DNAJC15: variants seen among roughly 807,000 people sequenced by gnomAD.
DNAJC15 encodes the protein dnaJ homolog subfamily C member 15.
A neutral mutation model predicts 22.4 loss-of-function variants in DNAJC15; 27 were observed. The observed-to-expected ratio is 1.20, with a 90% CI of 0.89 to 1.66. The LOEUF is 1.66. DNAJC15 is among the 40% of genes most tolerant of loss of function. DNAJC15 has a pLI of 0.00. For synonymous variants in DNAJC15, 79 were observed against 63.2 expected, an observed-to-expected ratio of 1.25 and a Z score of -1.19; for missense variants, 208 against 187.1, an observed-to-expected ratio of 1.11 and a Z score of -0.65.
chr13:43,087,685 C>G (rs766770021), intron 5 of DNAJC15, among the ~76,000 whole-genome samples: 2 of 152,114 alleles, frequency 1.3e-5, no homozygotes, highest in African/African-American at 4.8e-5. Flanking sequence ...CCACCCACCC[C>G]CAAGGAACTT....
intron 5 of DNAJC15, among the ~76,000 whole-genome samples, chr13:43,099,789 TTTATATGTTTATA>T (rs765852498): frequency 6.1e-5 from 9 of 147,208 alleles, no homozygotes; most frequent in Admixed American, 1.4e-4. Flanking sequence ...TATAATTCTT[TTTATATGTTTATA>T]TATTCTTTTT....
chr13:43,100,213 T>TA (rs2040760868), intron 5 of DNAJC15, among the ~76,000 whole-genome samples: 1 of 148,914 alleles, frequency 6.7e-6, no homozygotes, highest in African/African-American at 2.5e-5. Flanking sequence ...GTCTTTTTTT[T>TA]TTTTTTTTTT....
Position 43,109,082 on chromosome 13 carries a change from AT to A in DNAJC15, c.*1835del, listed in dbSNP as rs1379985203. On this transcript the variant is annotated 3_prime_UTR_variant, in exon 6 of 6. Transcript: ENST00000379221. ...TTCTGGTACATGCAGCAAAAGTAATATGAATTATCAGCTTTCTGAGAGCAGG... is the reference window on the plus strand; with the variant it reads ...TTCTGGTACATGCAGCAAAAGTAATAGAATTATCAGCTTTCTGAGAGCAGG... The A allele has an allele frequency of 6.6e-6, 1 of 152,220 alleles. No individual in the cohort carries two copies. Among genetic ancestry groups the A allele is most frequent in the Non-Finnish European group, 1.5e-5 (1 of 68,042 alleles). 9.4% of individuals were successfully genotyped at this position (152,220 alleles called of 1,614,324 possible).
chr13:43,045,953 C>T (rs567547190), intron 1 of DNAJC15, among the ~76,000 whole-genome samples: 184 of 152,224 alleles, frequency 1.2e-3, no homozygotes, highest in African/African-American at 4.0e-3. Flanking sequence ...TGATATATCC[C>T]TAGGGCTTAA....
intron 4 of DNAJC15, among the ~76,000 whole-genome samples, chr13:43,084,055 C>T (rs1248900866): frequency 1.3e-5 from 2 of 152,118 alleles, no homozygotes; most frequent in Non-Finnish European, 2.9e-5. Context: ...AGAACAATAG[C>T]AGAATCAAGG....
chr13:43,045,103 A>AT (rs1328686288), intron 1 of DNAJC15, among the ~76,000 whole-genome samples: 1 of 151,586 alleles, frequency 6.6e-6, no homozygotes, highest in African/African-American at 2.4e-5. Context: ...CTTGTTGCCT[A>AT]TTTTTTTCTC....
rs571149685 is a variant in DNAJC15, at chr13:43,091,860, T to TTG, written c.382+6023_382+6024dup. Among the ~76,000 whole-genome samples the TTG allele has an allele frequency of 5.4e-4, 83 of 152,324 alleles. 1 individual carries two copies. The South Asian group carries it at 0.016, about 28-fold the overall frequency. ...GGGTTTTGTAGTTATCTCTATAGTA[T>TTG]TGATTGCTAGCTTAATTCCATTTGG... On this transcript the variant is annotated intron_variant, in intron 5 of 5. Coordinates refer to ENST00000379221, the MANE Select transcript of DNAJC15 (RefSeq NM_013238.3).
intron 5 of DNAJC15, among the ~76,000 whole-genome samples, chr13:43,092,293 C>CTA (rs2040718926): frequency 6.6e-6 from 1 of 151,966 alleles, no homozygotes; most frequent in African/African-American, 2.4e-5. Flanking sequence ...ATAGCTGTAC[C>CTA]ACCTTTCCTT....
At chr13:43,024,337 GTTTTTTTTT>G (rs376910976) in intron 1 of DNAJC15, among the ~76,000 whole-genome samples, 5 of 93,380 alleles carry the variant, frequency 5.4e-5, no homozygotes, top group East Asian at 3.4e-4. Context: ...GTATTTTTAC[GTTTTTTTTT>G]TTTTTTTTTT....
chr13:43,083,293 G>A (rs1339933967), intron 4 of DNAJC15, among the ~76,000 whole-genome samples: 1 of 151,650 alleles, frequency 6.6e-6, no homozygotes, highest in South Asian at 2.1e-4. Context: ...TCAGCCTCCC[G>A]AGTAGCTGGG....
intron 1 of DNAJC15, among the ~76,000 whole-genome samples, chr13:43,052,521 G>A (rs867468931): frequency 2.0e-5 from 3 of 151,842 alleles, no homozygotes; most frequent in Non-Finnish European, 4.4e-5. Flanking sequence ...GGGTTCAAGC[G>A]ATTCTCCTGC....
intron 1 of DNAJC15, among the ~76,000 whole-genome samples, chr13:43,029,773 A>G (rs1333278287): frequency 2.0e-5 from 3 of 152,142 alleles, no homozygotes; most frequent in African/African-American, 7.2e-5. Context: ...TCTCTTTGAA[A>G]TATGCCTTTT....
chr13:43,039,653 G>T (rs1371133024), intron 1 of DNAJC15, among the ~76,000 whole-genome samples: 1 of 152,194 alleles, frequency 6.6e-6, no homozygotes, highest in Admixed American at 6.5e-5. Context: ...AAAAGCTGTT[G>T]GTTGGGTGAA....
chr13:43,053,224 T>G (rs1174049796), intron 1 of DNAJC15, among the ~76,000 whole-genome samples: 1 of 152,208 alleles, frequency 6.6e-6, no homozygotes, highest in Non-Finnish European at 1.5e-5. Flanking sequence ...AGTATTTGGC[T>G]TTATTTCTGG....
chr13:43,024,544 C>T (rs1489590904), intron 1 of DNAJC15, among the ~76,000 whole-genome samples: 1 of 151,706 alleles, frequency 6.6e-6, no homozygotes, highest in Non-Finnish European at 1.5e-5. Context: ...GGGGGTTTCA[C>T]CGTGTTAGCC....
chr13:43,028,231 T>G (rs1020416765), intron 1 of DNAJC15, among the ~76,000 whole-genome samples: 6 of 152,206 alleles, frequency 3.9e-5, no homozygotes, highest in Non-Finnish European at 1.5e-5. Flanking sequence ...TTCAGCTTAT[T>G]TAAAATGTAG....
At chr13:43,059,479 C>CT (rs2040547436) in intron 1 of DNAJC15, among the ~76,000 whole-genome samples, 1 of 152,116 alleles carries the variant, frequency 6.6e-6, no homozygotes, top group Non-Finnish European at 1.5e-5. Context: ...ATTCTCCTGT[C>CT]TCAACCTCCC....
rs188992233 is a variant in DNAJC15 at position 43,107,235 on chromosome 13, C to T, written c.440C>T (p.Thr147Ile). ...GAAGCAAAAGACTTGCTAGAAACAA[C>T]CACCAAACATTGATGCTTAAGGACC... is the stretch of plus-strand genomic sequence containing the variant. ...INEAKDLLET[T>I]TKH Residue 147 changes from threonine to isoleucine, a missense_variant, in exon 6 of 6, where the codon ACC becomes ATC. Thr to Ile is a moderately conservative substitution (Grantham distance 89). Coordinates refer to ENST00000379221, the MANE Select transcript of DNAJC15 (RefSeq NM_013238.3). The T allele has an allele frequency of 4.8e-5, 77 of 1,588,716 alleles. No homozygotes were observed. The African/African-American group carries it at 9.8e-4, about 20-fold the overall frequency.
intron 5 of DNAJC15, among the ~76,000 whole-genome samples, chr13:43,103,244 A>G (rs1011859434): frequency 2.0e-5 from 3 of 152,168 alleles, no homozygotes; most frequent in African/African-American, 7.2e-5. Context: ...CTCCGTTTCA[A>G]TGTTTCTGAA....
Sources: allele counts gnomAD v4.1 joint callset (sites outside exome capture counted in the v4.1 genomes callset), GRCh38; gene constraint gnomAD v4.1.1; transcripts MANE v1.5; gene names NCBI Gene and HGNC (gene_info 2026-07-23, HGNC 2026-07-21).